The following CTNNA3 variants were observed in gnomAD, a reference collection of about 807,000 sequenced individuals.
CTNNA3 encodes catenin alpha 3, also known as catenin alpha-3.
Under a neutral mutation model 95.7 loss-of-function variants are expected in CTNNA3, and 76 were observed. That is an observed-to-expected ratio of 0.79 (90% CI 0.66 to 0.96). The LOEUF (loss-of-function observed/expected upper bound fraction) is 0.96, where lower values mean the gene tolerates loss of function less well. Ranked by LOEUF, CTNNA3 falls within the 40% of genes least tolerant of loss-of-function variation. The probability of loss-of-function intolerance (pLI) is 0.00; values close to 1 mark genes in which losing one functional copy is unlikely to be tolerated. For missense variants in CTNNA3, 1,191 were observed against 1,089.8 expected (o/e 1.09, Z -1.31); for synonymous variants, 431 against 374.4 (o/e 1.15, Z -1.74).
At chr10:67,655,554 G>A (rs548053717) in intron 1 of CTNNA3, among the ~76,000 whole-genome samples, 1 of 152,164 alleles carries the variant, frequency 6.6e-6, no homozygotes, top group Non-Finnish European at 1.5e-5. Flanking sequence ...GGGAGGCAGA[G>A]GCCAGCCTTC....
chr10:66,387,947 G>C (rs554312701), intron 11 of CTNNA3, among the ~76,000 whole-genome samples: 1 of 152,046 alleles, frequency 6.6e-6, no homozygotes. Context: ...GCCTGTCAGG[G>C]GATGGAGGGC....
chr10:66,169,534 T>C (rs1031307800), intron 13 of CTNNA3, among the ~76,000 whole-genome samples: 1 of 152,186 alleles, frequency 6.6e-6, no homozygotes, highest in Non-Finnish European at 1.5e-5. Context: ...TCTGGGTAGA[T>C]ACCTACAGTG....
chr10:67,451,829 A>G (rs571102222), intron 5 of CTNNA3, among the ~76,000 whole-genome samples: 3 of 152,220 alleles, frequency 2.0e-5, no homozygotes, highest in South Asian at 2.1e-4. Flanking sequence ...TCCTTACTTC[A>G]TATTTTACCA....
intron 10 of CTNNA3, among the ~76,000 whole-genome samples, chr10:66,577,331 T>C (rs1163528310): frequency 1.3e-5 from 2 of 152,072 alleles, no homozygotes; most frequent in African/African-American, 2.4e-5. Context: ...TTTAAGTTAA[T>C]TAGGTCCTTC....
intron 10 of CTNNA3, among the ~76,000 whole-genome samples, chr10:66,615,031 ATTT>A (rs1192323210): frequency 6.6e-6 from 1 of 151,912 alleles, no homozygotes; most frequent in Non-Finnish European, 1.5e-5. Context: ...GGTACACCCT[ATTT>A]TGCTTTTGTT....
At chr10:66,693,594 T>C (rs989883952) in intron 9 of CTNNA3, among the ~76,000 whole-genome samples, 4 of 151,748 alleles carry the variant, frequency 2.6e-5, no homozygotes, top group East Asian at 1.9e-4. Flanking sequence ...TTGAACTCAG[T>C]TCTGCACCAA....
chr10:67,749,635 C>T (rs1244521683), intron 1 of CTNNA3, among the ~76,000 whole-genome samples: 1 of 152,096 alleles, frequency 6.6e-6, no homozygotes, highest in African/African-American at 2.4e-5. Flanking sequence ...AGACAATGTA[C>T]CAGAATTTCT....
At chr10:65,921,466 T>C (rs1044431890) in intron 17 of CTNNA3, among the ~76,000 whole-genome samples, 1 of 152,250 alleles carries the variant, frequency 6.6e-6, no homozygotes, top group African/African-American at 2.4e-5. Flanking sequence ...TTTGGAAGTT[T>C]CTCACAGAGA....
At chr10:66,216,696 C>T (rs535327984) in intron 13 of CTNNA3, among the ~76,000 whole-genome samples, 4 of 152,240 alleles carry the variant, frequency 2.6e-5, no homozygotes, top group African/African-American at 9.6e-5. Context: ...TTTTTTAATG[C>T]TTTTTATTTT....
chr10:67,479,996 G>A (rs922155404), intron 5 of CTNNA3, among the ~76,000 whole-genome samples: 5 of 152,048 alleles, frequency 3.3e-5, no homozygotes, highest in Admixed American at 3.3e-4. Flanking sequence ...AAAGGAAATG[G>A]ATAAATTTCT....
intron 7 of CTNNA3, among the ~76,000 whole-genome samples, chr10:66,825,918 T>C (rs762306375): frequency 6.6e-6 from 1 of 152,232 alleles, no homozygotes; most frequent in Non-Finnish European, 1.5e-5. Context: ...TGTATTCTCC[T>C]GAAATCTTCC....
chr10:66,046,639 C>G (rs2079834598), intron 15 of CTNNA3, among the ~76,000 whole-genome samples: 1 of 151,350 alleles, frequency 6.6e-6, no homozygotes, highest in Non-Finnish European at 1.5e-5. Context: ...TGAAGGAAAT[C>G]AAGACACGCA....
At chr10:67,268,480 C>T (rs2132410463) in intron 5 of CTNNA3, among the ~76,000 whole-genome samples, 1 of 152,148 alleles carries the variant, frequency 6.6e-6, no homozygotes, top group South Asian at 2.1e-4. Context: ...ATGATCACAC[C>T]ACTTCACTGG....
chr10:67,375,217 G>C (rs1377227561), intron 5 of CTNNA3, among the ~76,000 whole-genome samples: 2 of 152,164 alleles, frequency 1.3e-5, no homozygotes, highest in Non-Finnish European at 2.9e-5. Flanking sequence ...CACAGGAGTT[G>C]AACTAGATAA....
At chr10:66,536,408 G>A (rs1025675566) in intron 10 of CTNNA3, among the ~76,000 whole-genome samples, 1 of 149,686 alleles carries the variant, frequency 6.7e-6, no homozygotes, top group African/African-American at 2.5e-5. Context: ...CTTGAACCCC[G>A]GAGGCAGAGA....
At chr10:67,681,691 C>G (rs974599960) in intron 1 of CTNNA3, among the ~76,000 whole-genome samples, 4 of 151,812 alleles carry the variant, frequency 2.6e-5, no homozygotes, top group African/African-American at 9.7e-5. Flanking sequence ...AAACTCAAAA[C>G]CCAGAAGCTA....
chr10:67,059,841 G>A (rs1250117101), intron 7 of CTNNA3, among the ~76,000 whole-genome samples: 10 of 152,092 alleles, frequency 6.6e-5, no homozygotes, highest in Non-Finnish European at 1.2e-4. Flanking sequence ...ATAATAGCAT[G>A]TATGTCTTTA....
intron 1 of CTNNA3, among the ~76,000 whole-genome samples, chr10:67,754,403 C>G (rs1841423036): frequency 6.6e-6 from 1 of 152,034 alleles, no homozygotes; most frequent in African/African-American, 2.4e-5. Context: ...ACCACCATGG[C>G]ACATGTTTAC....
chr10:66,298,441 T>G (rs1288711539), intron 12 of CTNNA3, among the ~76,000 whole-genome samples: 2 of 152,170 alleles, frequency 1.3e-5, no homozygotes, highest in African/African-American at 4.8e-5. Flanking sequence ...ATTATATATA[T>G]ATGTAATATA....
Sources: allele counts gnomAD v4.1 joint callset (sites outside exome capture counted in the v4.1 genomes callset), GRCh38; gene constraint gnomAD v4.1.1; transcripts MANE v1.5; gene names NCBI Gene and HGNC (gene_info 2026-07-23, HGNC 2026-07-21).